STK3: variants seen among roughly 807,000 people sequenced by gnomAD.
The protein encoded by STK3 is serine/threonine-protein kinase 3.
In STK3, 41 loss-of-function variants were observed where a neutral mutation model predicts 58.0. The ratio of observed to expected loss-of-function variants is 0.71; its 90% CI spans 0.55 to 0.92. The LOEUF is 0.92. STK3 is among the 40% of genes least tolerant of loss of function. The pLI is 0.00. For missense variants in STK3, 479 were observed against 602.7 expected, an observed-to-expected ratio of 0.79 and a Z score of 2.15; for synonymous variants, 170 against 191.0, an observed-to-expected ratio of 0.89 and a Z score of 0.91.
Position 98,714,781 on chromosome 8 carries a change from ATTTTAAAG to A in STK3, c.352-7478_352-7471del, listed in dbSNP as rs559337741. Reference sequence around the variant, plus strand: ...TTTCTTCACAGAATTGGAAAAAACTATTTTAAAGTTCATATGGAACCCAAAAAGAGCCC... The same window carrying A: ...TTTCTTCACAGAATTGGAAAAAACTATTCATATGGAACCCAAAAAGAGCCC... On this transcript the variant is annotated intron_variant, in intron 4 of 10. Transcript: ENST00000419617. 3.4e-4 allele frequency among the ~76,000 whole-genome samples: 52 copies of A among 152,320 alleles called. No homozygotes were observed. In the South Asian group the frequency reaches 5.0e-3, roughly 15 times the overall value.
intron 2 of STK3, among the ~76,000 whole-genome samples, chr8:98,375,246 A>G (rs1171776369): frequency 7.0e-6 from 1 of 143,350 alleles, no homozygotes; most frequent in African/African-American, 2.6e-5. Flanking sequence ...GAGAGCAAGA[A>G]GCTGTTTCCA....
intron 6 of STK3, among the ~76,000 whole-genome samples, chr8:98,658,542 ATACTAC>A (rs995719346): frequency 3.3e-4 from 50 of 151,944 alleles, no homozygotes; most frequent in Non-Finnish European, 1.2e-4. Flanking sequence ...TCTCTTCTCA[ATACTAC>A]TACTTTTACC....
intron 1 of STK3, among the ~76,000 whole-genome samples, chr8:98,447,373 T>C (rs1563611602): frequency 1.3e-5 from 2 of 152,058 alleles, no homozygotes; most frequent in African/African-American, 4.8e-5. Context: ...AAAGATATAA[T>C]CTTTCTTATA....
At chr8:98,688,147 C>T (rs1256635296) in intron 6 of STK3, among the ~76,000 whole-genome samples, 1 of 151,764 alleles carries the variant, frequency 6.6e-6, no homozygotes, top group Admixed American at 6.6e-5. Flanking sequence ...AGACTTTAAA[C>T]AAACGACTGT....
intron 3 of STK3, among the ~76,000 whole-genome samples, chr8:98,761,632 G>A (rs1205897779): frequency 6.6e-6 from 1 of 152,148 alleles, no homozygotes; most frequent in Non-Finnish European, 1.5e-5. Context: ...GTAATACAGT[G>A]TTTTTACAAA....
At chr8:98,907,080 C>T (rs1331377113) in intron 1 of STK3, among the ~76,000 whole-genome samples, 1 of 151,936 alleles carries the variant, frequency 6.6e-6, no homozygotes, top group East Asian at 1.9e-4. Context: ...ATTGCTTGAG[C>T]CCAGGATTTG....
At chr8:98,348,181 A>G in the STK3 span, among the ~76,000 whole-genome samples, 5 of 152,224 alleles carry the variant, frequency 3.3e-5, no homozygotes, top group Admixed American at 2.0e-4. Context: ...TCAACAAATG[A>G]TACTGGAATA....
In STK3 at chr8:98,455,040, T is replaced by C. The variant is rs1467809319; in HGVS notation, c.*802A>G. ...AAAACATGAAACAATATTAACAAAT[T>C]ACATTTGTATTAAGTTTTTATTTAA... On this transcript the variant is annotated 3_prime_UTR_variant, in exon 11 of 11. Transcript: ENST00000419617. 1.3e-5 allele frequency: 2 copies of C among 152,606 alleles called. No homozygotes were observed. The highest frequency in any genetic ancestry group is 2.9e-5 in the Non-Finnish European group (2 of 68,030). 9.5% of individuals were successfully genotyped at this position (152,606 alleles called of 1,614,324 possible). A position where few individuals can be genotyped will look rare whatever the true frequency, so the allele number is the denominator to read the frequency against.
intron 9 of STK3, among the ~76,000 whole-genome samples, chr8:98,542,853 G>A (rs890517862): frequency 1.3e-5 from 2 of 152,134 alleles, no homozygotes; most frequent in African/African-American, 4.8e-5. Flanking sequence ...AACTCAGACA[G>A]AATTAAGCAA....
In STK3 at chr8:98,683,099, G is replaced by A. The variant is rs551795771; in HGVS notation, c.684+23368C>T. ...TAGCAAACCAAAGCTACTATATCCTGAGGCCAAAATTAAGGGTGCCCACTA... is the reference window on the plus strand; with the variant it reads ...TAGCAAACCAAAGCTACTATATCCTAAGGCCAAAATTAAGGGTGCCCACTA... On this transcript the variant is annotated intron_variant, in intron 6 of 10. Coordinates refer to ENST00000419617, the MANE Select transcript of STK3 (RefSeq NM_006281.4). Among the ~76,000 whole-genome samples the A allele has an allele frequency of 2.0e-5, 3 of 152,022 alleles. No individual in the cohort carries two copies. In the South Asian group the frequency reaches 6.2e-4, roughly 32 times the overall value.
intron 8 of STK3, among the ~76,000 whole-genome samples, chr8:98,549,661 T>C (rs1811002967): frequency 6.6e-6 from 1 of 152,084 alleles, no homozygotes; most frequent in Non-Finnish European, 1.5e-5. Flanking sequence ...AAGTCAGTAA[T>C]AAAAGTACAA....
At chr8:98,582,740 A>G (rs1453314533) in intron 7 of STK3, among the ~76,000 whole-genome samples, 2 of 152,102 alleles carry the variant, frequency 1.3e-5, no homozygotes, top group East Asian at 3.8e-4. Context: ...CTGGCGTTAC[A>G]TACTTTTCTA....
In STK3 at chr8:98,805,896, T is replaced by C. The variant is rs200076712; in HGVS notation, c.26+19619A>G. On this transcript the variant is annotated intron_variant, in intron 1 of 10. Coordinates refer to ENST00000419617, the MANE Select transcript of STK3 (RefSeq NM_006281.4). Reference sequence around the variant, plus strand: ...CTTAAAGACACAATCAAAAATTTTCTCTGGGAAGTTTAAAGAAATCACCTC... The same window carrying C: ...CTTAAAGACACAATCAAAAATTTTCCCTGGGAAGTTTAAAGAAATCACCTC... Among the ~76,000 whole-genome samples the C allele has an allele frequency of 2.6e-5, 4 of 152,228 alleles. No individual in the cohort carries two copies. The East Asian group carries it at 5.8e-4, about 22-fold the overall frequency.
intron 6 of STK3, among the ~76,000 whole-genome samples, chr8:98,628,492 CT>C (rs1818904034): frequency 6.6e-6 from 1 of 152,054 alleles, no homozygotes; most frequent in African/African-American, 2.4e-5. Flanking sequence ...TTCATAAACA[CT>C]TGCTAAGTTA....
intron 1 of STK3, among the ~76,000 whole-genome samples, chr8:98,775,501 G>A (rs1008075064): frequency 2.0e-5 from 3 of 152,200 alleles, no homozygotes; most frequent in African/African-American, 7.2e-5. Context: ...AGCCAAGACT[G>A]TGCATTACTC....
the STK3 span, among the ~76,000 whole-genome samples, chr8:98,346,919 C>A: frequency 6.6e-6 from 1 of 151,482 alleles, no homozygotes; most frequent in Non-Finnish European, 1.5e-5. Flanking sequence ...TTTTCCTTAT[C>A]ATTTAAATGC....
chr8:98,697,547 T>G (rs1473440965), intron 6 of STK3, among the ~76,000 whole-genome samples: 2 of 152,156 alleles, frequency 1.3e-5, no homozygotes, highest in Admixed American at 6.6e-5. Flanking sequence ...CAGAGATTCT[T>G]GTATATTGTG....
intron 10 of STK3, among the ~76,000 whole-genome samples, chr8:98,518,078 G>A (rs993049972): frequency 2.0e-5 from 3 of 152,062 alleles, no homozygotes; most frequent in Non-Finnish European, 4.4e-5. Context: ...AGGAGAGTTT[G>A]TGCTTCTTGG....
At chr8:98,520,588 AT>A (rs1487913029) in intron 10 of STK3, among the ~76,000 whole-genome samples, 1 of 152,004 alleles carries the variant, frequency 6.6e-6, no homozygotes, top group Non-Finnish European at 1.5e-5. Flanking sequence ...AGGCAGAAGG[AT>A]GAAGCCTTCT....
Sources: gnomAD v4.1 joint callset for allele counts (sites outside exome capture counted in the v4.1 genomes callset) on GRCh38, gnomAD v4.1.1 for gene constraint, MANE v1.5 for transcripts, NCBI Gene and HGNC (gene_info 2026-07-23, HGNC 2026-07-21) for gene names.